Variants in MAML3 observed in about 807,000 individuals in gnomAD.
The protein encoded by MAML3 is mastermind-like protein 3.
MAML3 carries 27 observed loss-of-function variants against 101.9 expected under a neutral mutation model. That is an observed-to-expected ratio of 0.27 (90% confidence interval 0.20 to 0.37). The LOEUF (loss-of-function observed/expected upper bound fraction) is 0.37, where lower values mean the gene tolerates loss of function less well. MAML3 is among the 10% of genes least tolerant of loss of function. The pLI, the probability that MAML3 is intolerant of heterozygous loss-of-function variation, is 1.00. For synonymous variants in MAML3, 501 were observed against 555.9 expected (o/e 0.90, Z 1.39); for missense variants, 1,316 against 1,444.9 (o/e 0.91, Z 1.45).
intron 2 of MAML3, among the ~76,000 whole-genome samples, chr4:139,803,144 C>A (rs948958473): frequency 6.6e-6 from 1 of 152,136 alleles, no homozygotes; most frequent in Non-Finnish European, 1.5e-5. Flanking sequence ...GTGGCTCACA[C>A]CTGTAGTCCT....
chr4:139,959,984 C>T (rs1182419674), intron 1 of MAML3, among the ~76,000 whole-genome samples: 1 of 152,108 alleles, frequency 6.6e-6, no homozygotes, highest in Non-Finnish European at 1.5e-5. Context: ...TAGACACAGA[C>T]AAATTGAAAA....
At position 140,104,362 on chromosome 4, in the gene MAML3, TTATATATATATATAA is replaced by T. The variant is rs1240707709; in HGVS notation, c.468+48483_468+48497del. On this transcript the variant is annotated intron_variant, in intron 1 of 4. Coordinates refer to ENST00000509479, the MANE Select transcript of MAML3 (RefSeq NM_018717.5). Reference sequence around the variant, plus strand: ...TCTCAAAAAAAAAACCAAACCTATTTTATATATATATATAATATATATATATTATATATTATATAA... The same window carrying T: ...TCTCAAAAAAAAAACCAAACCTATTTTATATATATATTATATATTATATAA... Among the ~76,000 whole-genome samples the T allele has an allele frequency of 1.7e-4, 13 of 76,706 alleles. 1 individual carries two copies. Among genetic ancestry groups the T allele is most frequent in the Non-Finnish European group, 3.3e-4 (13 of 39,512 alleles). The allele number at this position is 76,706 out of a possible 152,430, so 50.3% of individuals were successfully genotyped here. A position where few individuals can be genotyped will look rare whatever the true frequency, so the allele number is the denominator to read the frequency against.
In MAML3 at chr4:140,153,094, G is replaced by C; in HGVS notation, c.234C>G (p.Arg78=). 2 of 1,553,354 alleles carry C rather than the reference G, an allele frequency of 1.3e-6. No individual in the cohort carries two copies. The highest frequency in any genetic ancestry group is 1.7e-6 in the Non-Finnish European group (2 of 1,148,142). The change falls in exon 1 of 5, where the codon CGC becomes CGG. Residue 78 remains arginine, a synonymous_variant. Coordinates refer to ENST00000509479, the MANE Select transcript of MAML3 (RefSeq NM_018717.5). ...PKHSTVVERL[R]QRIEGCRRHH... ...GCCGACGGCAGCCCTCGATGCGCTG[G>C]CGGAGCCGCTCCACCACGGTGCTGT... is the stretch of plus-strand genomic sequence containing the variant.
intron 1 of MAML3, among the ~76,000 whole-genome samples, chr4:139,917,651 C>A (rs1733050710): frequency 3.9e-5 from 6 of 152,098 alleles, no homozygotes; most frequent in Admixed American, 3.9e-4. Context: ...AGAATTCAGC[C>A]TCTATATAAG....
At chr4:140,042,757 T>C (rs996214150) in intron 1 of MAML3, among the ~76,000 whole-genome samples, 9 of 152,052 alleles carry the variant, frequency 5.9e-5, no homozygotes, top group African/African-American at 2.2e-4. Flanking sequence ...GAGATGAAAA[T>C]GCATAAGGGA....
chr4:140,050,246 C>T (rs1354599723), intron 1 of MAML3, among the ~76,000 whole-genome samples: 1 of 152,086 alleles, frequency 6.6e-6, no homozygotes, highest in East Asian at 1.9e-4. Context: ...ACCTACTTAT[C>T]CATCCCAACC....
chr4:139,830,649 C>T (rs1028333921), intron 2 of MAML3, among the ~76,000 whole-genome samples: 9 of 152,098 alleles, frequency 5.9e-5, no homozygotes, highest in East Asian at 3.9e-4. Flanking sequence ...CTCCTGACCT[C>T]GTGATCCGCC....
intron 2 of MAML3, among the ~76,000 whole-genome samples, chr4:139,734,052 T>C (rs1728829989): frequency 2.0e-5 from 3 of 152,186 alleles, no homozygotes; most frequent in Admixed American, 1.3e-4. Context: ...GCAACAAAGC[T>C]CTGCGGCATT....
In MAML3 at chr4:140,134,414, C is replaced by T. The variant is rs1423113111; in HGVS notation, c.468+18446G>A. On this transcript the variant is annotated intron_variant, in intron 1 of 4. Transcript: ENST00000509479. Reference sequence around the variant, plus strand: ...CCTCCAGGGCACAGGCATAGATGTTCCCCAACCCTGAATGCTACAGCAAGT... The same window carrying T: ...CCTCCAGGGCACAGGCATAGATGTTTCCCAACCCTGAATGCTACAGCAAGT... 1.1e-5 allele frequency: 5 copies of T among 456,506 alleles called. No individual in the cohort carries two copies. In the Admixed American group the frequency reaches 1.2e-4, roughly 11 times the overall value. 28.3% of individuals were successfully genotyped at this position (456,506 alleles called of 1,614,324 possible).
At chr4:140,019,941 A>T (rs532956174) in intron 1 of MAML3, among the ~76,000 whole-genome samples, 1 of 152,308 alleles carries the variant, frequency 6.6e-6, no homozygotes, top group South Asian at 2.1e-4. Flanking sequence ...TTATGTTTCC[A>T]TCTTTCTCAG....
chr4:139,778,241 G>A (rs1307630573), intron 2 of MAML3, among the ~76,000 whole-genome samples: 1 of 152,214 alleles, frequency 6.6e-6, no homozygotes. Context: ...AAAAGAAAGT[G>A]TTGTGCATGG....
At chr4:139,906,061 C>A (rs899587516) in intron 1 of MAML3, among the ~76,000 whole-genome samples, 1 of 152,158 alleles carries the variant, frequency 6.6e-6, no homozygotes, top group Non-Finnish European at 1.5e-5. Flanking sequence ...AGTAACTCAA[C>A]AACTGCTATT....
At chr4:140,060,134 G>A (rs911381822) in intron 1 of MAML3, among the ~76,000 whole-genome samples, 4 of 152,052 alleles carry the variant, frequency 2.6e-5, no homozygotes, top group Non-Finnish European at 5.9e-5. Context: ...GGGAGGCTGA[G>A]GCGGGTGGAT....
chr4:140,003,008 T>C (rs552429957), intron 1 of MAML3, among the ~76,000 whole-genome samples: 1 of 152,264 alleles, frequency 6.6e-6, no homozygotes, highest in Non-Finnish European at 1.5e-5. Context: ...AGACTAACAA[T>C]TTGGATGTCC....
At chr4:139,883,274 C>A (rs558302807) in intron 2 of MAML3, among the ~76,000 whole-genome samples, 2 of 152,258 alleles carry the variant, frequency 1.3e-5, no homozygotes, top group South Asian at 4.1e-4. Context: ...TGTGCTTGAT[C>A]ATATTGAATG....
At chr4:139,937,563 T>C (rs769668) in intron 1 of MAML3, among the ~76,000 whole-genome samples, 56,801 of 151,728 alleles carry the variant, frequency 0.37, 11,234 homozygotes, top group African/African-American at 0.5. Flanking sequence ...ATTTTTGTAT[T>C]TTTTGGTAGA....
chr4:139,762,614 G>C (rs1441425855), intron 2 of MAML3, among the ~76,000 whole-genome samples: 1 of 152,264 alleles, frequency 6.6e-6, no homozygotes, highest in South Asian at 2.1e-4. Context: ...GGACAGAATC[G>C]AGGAACTGAT....
intron 2 of MAML3, among the ~76,000 whole-genome samples, chr4:139,875,960 C>G (rs1352924758): frequency 7.0e-6 from 1 of 142,978 alleles, no homozygotes; most frequent in Non-Finnish European, 1.5e-5. Context: ...TCTGGTCTTG[C>G]CTATTACTTT....
intron 1 of MAML3, among the ~76,000 whole-genome samples, chr4:139,958,652 T>C (rs1733954012): frequency 6.6e-6 from 1 of 152,206 alleles, no homozygotes; most frequent in Non-Finnish European, 1.5e-5. Flanking sequence ...GAGAGTCACT[T>C]ATGCAAGAAA....
Sources: allele counts gnomAD v4.1 joint callset (sites outside exome capture counted in the v4.1 genomes callset), GRCh38; gene constraint gnomAD v4.1.1; transcripts MANE v1.5; gene names NCBI Gene and HGNC (gene_info 2026-07-23, HGNC 2026-07-21).